The following TNS1 variants were observed in gnomAD, a reference collection of about 807,000 sequenced individuals.
TNS1 encodes tensin 1, also known as tensin-1.
TNS1 carries 62 observed loss-of-function variants against 168.6 expected under a neutral mutation model. The ratio of observed to expected loss-of-function variants is 0.37; its 90% confidence interval spans 0.30 to 0.45. The LOEUF is 0.45. Ranked by LOEUF, TNS1 falls within the 20% of genes least tolerant of loss-of-function variation. TNS1 has a pLI of 1.00. For missense variants in TNS1, 2,240 were observed against 2,339.4 expected (o/e 0.96, Z 0.88); for synonymous variants, 934 against 933.2 (o/e 1.00, Z -0.02).
chr2:218,004,325 A>C (rs541491892), upstream of TNS1, among the ~76,000 whole-genome samples: 27 of 152,282 alleles, frequency 1.8e-4, no homozygotes, highest in Admixed American at 1.4e-3. Context: ...TGTGCTATAC[A>C]TGCCCTGGGG....
chr2:217,850,141 C>T (rs1359672956), intron 18 of TNS1: 24 of 985,220 alleles, frequency 2.4e-5, no homozygotes, highest in African/African-American at 5.2e-5. Context: ...GAAGGTATGC[C>T]GGGCAGGATC....
intron 5 of TNS1, among the ~76,000 whole-genome samples, chr2:217,906,755 T>A (rs534659026): frequency 6.6e-6 from 1 of 152,132 alleles, no homozygotes; most frequent in Admixed American, 6.5e-5. Context: ...CGCCAGGAGA[T>A]CTCTCTCGGT....
At chr2:217,900,396 A>T in intron 7 of TNS1, 67 bp downstream of exon 7, 4 of 1,511,288 alleles carry the variant, frequency 2.6e-6, no homozygotes, top group African/African-American at 1.4e-5. Flanking sequence ...GGCAAGACTT[A>T]ACAGGGACAC....
intron 1 of TNS1, among the ~76,000 whole-genome samples, chr2:218,030,966 TGTGTGAA>T (rs1958887261): frequency 6.6e-6 from 1 of 151,912 alleles, no homozygotes. Flanking sequence ...TGTGAGCATG[TGTGTGAA>T]CTGTGTGTAT....
intron 17 of TNS1, 28 bp from the exon 18 acceptor site, chr2:217,881,042 G>A (rs1167589254): frequency 6.6e-7 from 1 of 1,515,174 alleles, no homozygotes; most frequent in Non-Finnish European, 9.2e-7. Flanking sequence ...GGCAGCGGCA[G>A]TCGGGGAGAC....
At chr2:218,009,502 A>T (rs1286752455) in intron 1 of TNS1, among the ~76,000 whole-genome samples, 1 of 150,974 alleles carries the variant, frequency 6.6e-6, no homozygotes, top group Non-Finnish European at 1.5e-5. Context: ...GGTTCCCCAG[A>T]CCCCTGCTCC....
intron 22 of TNS1, among the ~76,000 whole-genome samples, chr2:217,823,241 CTA>C (rs1421199958): frequency 6.6e-6 from 1 of 152,190 alleles, no homozygotes; most frequent in East Asian, 1.9e-4. Context: ...ACTGTTGCAA[CTA>C]TACAACTCTG....
chr2:217,969,648 A>T (rs569693210), intron 3 of TNS1, among the ~76,000 whole-genome samples: 1 of 152,362 alleles, frequency 6.6e-6, no homozygotes, highest in South Asian at 2.1e-4. Flanking sequence ...TCCAAAAAAG[A>T]TACACAAATA....
rs1273973299 is a variant in TNS1, at chr2:217,880,827, G to A, written c.1429+71C>T. 1.6e-6 allele frequency: 2 copies of A among 1,221,766 alleles called. No individual in the cohort carries two copies. Among genetic ancestry groups the A allele is most frequent in the Admixed American group, 1.7e-5 (1 of 57,448 alleles). The allele number at this position is 1,221,766 out of a possible 1,614,324, so 75.7% of individuals were successfully genotyped here. On this transcript the variant is annotated intron_variant, in intron 18 of 32. Coordinates refer to ENST00000682258, the MANE Select transcript of TNS1 (RefSeq NM_001387777.1). The surrounding 1 kb of genome is among the most constrained non-coding windows in gnomAD (Gnocchi z 4.2). ...CCCAGATCTCTTGAAAGCAGGCCAA[G>A]AGAAGCAAGGTCATGTGAGCAGAGG...
chr2:217,910,717 C>T (rs867372260), intron 4 of TNS1, among the ~76,000 whole-genome samples: 10 of 95,494 alleles, frequency 1.0e-4, no homozygotes, highest in African/African-American at 8.3e-4. Context: ...TACACATACA[C>T]ACACACACAC....
At chr2:217,805,601 AC>A (rs1398931291) in intron 32 of TNS1, among the ~76,000 whole-genome samples, 3 of 73,838 alleles carry the variant, frequency 4.1e-5, no homozygotes, top group Non-Finnish European at 5.7e-5. Context: ...ACCACCACAC[AC>A]CACACACACC....
Position 217,804,291 on chromosome 2 carries a change from T to TC in TNS1, c.*167_*168insG, listed in dbSNP as rs1937986718. On this transcript the variant is annotated 3_prime_UTR_variant, in exon 33 of 33. Transcript: ENST00000682258. ...CTCTCTCTCTCTCTCTCTCTCTCTTTTCCCCCTCCCCTCTGCAATTCACTT... is the reference window on the plus strand; with the variant it reads ...CTCTCTCTCTCTCTCTCTCTCTCTTTCTCCCCCTCCCCTCTGCAATTCACTT... 11 of 692,858 alleles carry TC rather than the reference T, an allele frequency of 1.6e-5. No individual in the cohort carries two copies. Among genetic ancestry groups the TC allele is most frequent in the Non-Finnish European group, 1.2e-5 (5 of 420,508 alleles). 42.9% of individuals were successfully genotyped at this position (692,858 alleles called of 1,614,324 possible). A position where few individuals can be genotyped will look rare whatever the true frequency, so the allele number is the denominator to read the frequency against.
At chr2:217,915,228 C>T (rs992049849) in intron 4 of TNS1, among the ~76,000 whole-genome samples, 1 of 152,252 alleles carries the variant, frequency 6.6e-6, no homozygotes, top group Non-Finnish European at 1.5e-5. Flanking sequence ...GAGTGCTCCG[C>T]TCCCTTTCTC....
intron 21 of TNS1, among the ~76,000 whole-genome samples, chr2:217,832,282 C>A (rs1163219928): frequency 6.6e-6 from 1 of 152,106 alleles, no homozygotes; most frequent in African/African-American, 2.4e-5. Flanking sequence ...CCCAGGCCGC[C>A]CATCTGGGTT....
intron 18 of TNS1, chr2:217,859,787 A>G: frequency 1.8e-6 from 2 of 1,117,692 alleles, no homozygotes; most frequent in Admixed American, 4.1e-5. Flanking sequence ...TCCGAGAGCC[A>G]TGCAGCTGAA....
At position 217,866,190 on chromosome 2, in the gene TNS1, T is replaced by C. The variant is rs1329321097; in HGVS notation, c.1429+14708A>G. Among the ~76,000 whole-genome samples, 3 of 152,336 alleles carry C rather than the reference T, an allele frequency of 2.0e-5. No individual in the cohort carries two copies. The East Asian group carries it at 5.8e-4, about 29-fold the overall frequency. On this transcript the variant is annotated intron_variant, in intron 18 of 32. Transcript: ENST00000682258. Reference sequence around the variant, plus strand: ...AAACAGACCTAAAGAAAATGCTGCCTGGCTGCAGCAGCAGACTAGGAGCCA... The same window carrying C: ...AAACAGACCTAAAGAAAATGCTGCCCGGCTGCAGCAGCAGACTAGGAGCCA...
chr2:217,927,552 C>G (rs1317378662), intron 3 of TNS1, among the ~76,000 whole-genome samples: 1 of 151,984 alleles, frequency 6.6e-6, no homozygotes, highest in Non-Finnish European at 1.5e-5. Flanking sequence ...TTAAGGCAAG[C>G]AAGGATGTAT....
At chr2:217,882,969 T>C (rs1206730189) in intron 16 of TNS1, among the ~76,000 whole-genome samples, 1 of 152,150 alleles carries the variant, frequency 6.6e-6, no homozygotes. Context: ...CTCATTTTTG[T>C]ATTTTTTATA....
chr2:217,940,978 C>T (rs1956881511), intron 3 of TNS1, among the ~76,000 whole-genome samples: 1 of 152,164 alleles, frequency 6.6e-6, no homozygotes, highest in African/African-American at 2.4e-5. Context: ...CCCCACTCAC[C>T]CTCCTAAGAG....
Sources: gnomAD v4.1 joint callset for allele counts (sites outside exome capture counted in the v4.1 genomes callset) on GRCh38, gnomAD v4.1.1 for gene constraint, Gnocchi (gnomAD v3.1) non-coding constraint, MANE v1.5 for transcripts, NCBI Gene and HGNC (gene_info 2026-07-23, HGNC 2026-07-21) for gene names.